Variants in PRB3 observed in about 807,000 individuals in gnomAD.
The protein encoded by PRB3 is basic salivary proline-rich protein 3.
In PRB3, 9 loss-of-function variants were observed where a neutral mutation model predicts 10.0. The ratio of observed to expected loss-of-function variants is 0.90; its 90% CI spans 0.54 to 1.57. The LOEUF is 1.57. Ranked by LOEUF, PRB3 falls within the 40% of genes most tolerant of loss-of-function variation. PRB3 has a pLI of 0.00. For missense variants in PRB3, 285 were observed against 385.5 expected, an observed-to-expected ratio of 0.74 and a Z score of 2.18; for synonymous variants, 89 against 138.6, an observed-to-expected ratio of 0.64 and a Z score of 2.52.
At chr12:11,268,806 G>C (rs997845706) in intron 1 of PRB3, 138 bp from the exon 2 acceptor site, 10 of 1,080,670 alleles carry the variant, frequency 9.3e-6, no homozygotes, top group Admixed American at 6.8e-5. Flanking sequence ...CATCTGTGAA[G>C]CTGCTGGAAG....
intron 1 of PRB3, among the ~76,000 whole-genome samples, chr12:11,269,375 A>G (rs1227255511): frequency 1.3e-5 from 2 of 152,166 alleles, no homozygotes; most frequent in African/African-American, 4.8e-5. Flanking sequence ...TATAAATGCA[A>G]ATCTTACCTT....
In PRB3 at chr12:11,267,416, G is replaced by T; in HGVS notation, c.833C>A (p.Pro278His). ...EGPPSQGGNK[P>H]QGPPPHPGKP... ...TCCTGGATGAGGTGGGGGACCTTGAGGTTTGTTGCCTCCTTGTGAAGGTGG... is the reference window on the plus strand; with the variant it reads ...TCCTGGATGAGGTGGGGGACCTTGATGTTTGTTGCCTCCTTGTGAAGGTGG... Residue 278 changes from proline to histidine, a missense_variant, in exon 3 of 4, where the codon CCT becomes CAT. Pro to His is a moderately conservative substitution (Grantham distance 77, BLOSUM62 -2). Around this residue, in one of 3 missense-constraint regions of PRB3, gnomAD observed 108 missense variants for 106.9 expected, o/e 1.01. Transcript: ENST00000538488. 5 of 1,571,672 alleles carry T rather than the reference G, an allele frequency of 3.2e-6. No individual in the cohort carries two copies. Among genetic ancestry groups the T allele is most frequent in the African/African-American group, 1.4e-5 (1 of 73,442 alleles).
At chr12:11,268,865 G>T in intron 1 of PRB3, 197 bp from the exon 2 acceptor site, 1 of 683,998 alleles carries the variant, frequency 1.5e-6, no homozygotes, top group Non-Finnish European at 2.6e-6. Flanking sequence ...CAGAGCAACA[G>T]CCATGAACTC....
intron 3 of PRB3, 91 bp downstream of exon 3, chr12:11,267,085 G>T: frequency 1.5e-6 from 2 of 1,290,672 alleles, no homozygotes; most frequent in Non-Finnish European, 2.3e-6. Context: ...ACAATACAAT[G>T]TCAATGGGTT....
chr12:11,268,903 C>G (rs1948623693), intron 1 of PRB3, among the ~76,000 whole-genome samples: 1 of 152,046 alleles, frequency 6.6e-6, no homozygotes, highest in South Asian at 2.1e-4. Context: ...TTTTTTCTTC[C>G]CTAGCATCCT....
chr12:11,267,178 G>A lies in PRB3; in HGVS notation c.*15C>T. The A allele has an allele frequency of 6.3e-7, 1 of 1,598,526 alleles. No individual in the cohort carries two copies. Among genetic ancestry groups the A allele is most frequent in the Non-Finnish European group, 8.6e-7 (1 of 1,165,872 alleles). ...TGAAGAATAAACTGGAATCATACCT[G>A]TCATTGAACCTTGATTACTGGGGAG... is the stretch of plus-strand genomic sequence containing the variant. On this transcript the variant is annotated splice_region_variant and 3_prime_UTR_variant, in exon 3 of 4. Coordinates refer to ENST00000538488, the MANE Select transcript of PRB3 (RefSeq NM_001394862.1).
chr12:11,269,491 A>G (rs951690092), intron 1 of PRB3, 115 bp downstream of exon 1: 16 of 1,305,310 alleles, frequency 1.2e-5, no homozygotes, highest in African/African-American at 2.9e-5. Flanking sequence ...GATCCTAGGC[A>G]TGAAACCTCT....
rs1301163652 is a variant in PRB3 at position 11,265,978 on chromosome 12, A to G, written c.*69T>C. 2.2e-6 allele frequency: 1 copy of G among 456,372 alleles called. No homozygotes were observed. The highest frequency in any genetic ancestry group is 4.4e-6 in the Non-Finnish European group (1 of 226,798). 28.3% of individuals were successfully genotyped at this position (456,372 alleles called of 1,614,324 possible). A position where few individuals can be genotyped will look rare whatever the true frequency, so the allele number is the denominator to read the frequency against. On this transcript the variant is annotated 3_prime_UTR_variant, in exon 4 of 4. Coordinates refer to ENST00000538488, the MANE Select transcript of PRB3 (RefSeq NM_001394862.1). ...GGTAGAGCTATGACCACCTTCTTCC[A>G]ATGTCATGGCATTTGAATCATTTGA...
intron 1 of PRB3, 28 bp downstream of exon 1, chr12:11,269,577 CA>C (rs1248452355): frequency 1.9e-6 from 3 of 1,613,016 alleles, no homozygotes; most frequent in Non-Finnish European, 2.5e-6. Flanking sequence ...CAAGCAGAGT[CA>C]CCACATCTTC....
intron 1 of PRB3, 156 bp from the exon 2 acceptor site, chr12:11,268,824 AG>A: frequency 1.1e-6 from 1 of 946,440 alleles, no homozygotes; most frequent in African/African-American, 1.6e-5. Context: ...AAGGGGAGGA[AG>A]GTGTAAGGGG....
In PRB3 at chr12:11,268,617, G is replaced by A. The variant is rs1948620310; in HGVS notation, c.100+16C>T. On this transcript the variant is annotated intron_variant, in intron 2 of 3. Transcript: ENST00000538488. The stretch of plus-strand genomic sequence containing the variant: ...AGAAGATAGTTAAAACAGATTGAGA[G>A]TGAATTGGGATTTACCTGATATTAC... The A allele has an allele frequency of 1.2e-6, 2 of 1,600,712 alleles. No individual in the cohort carries two copies. The highest frequency in any genetic ancestry group is 2.7e-5 in the African/African-American group (2 of 74,570).
chr12:11,268,749 A>T, intron 1 of PRB3, 81 bp from the exon 2 acceptor site: 1 of 1,440,282 alleles, frequency 6.9e-7, no homozygotes. Context: ...GGGAAAGGGG[A>T]CTTCTCACCA....
Position 11,268,100 on chromosome 12 carries a change from G to C in PRB3, c.149C>G (p.Thr50Ser). The C allele has an allele frequency of 6.2e-7, 1 of 1,608,550 alleles. No individual in the cohort carries two copies. Among genetic ancestry groups the C allele is most frequent in the Non-Finnish European group, 8.5e-7 (1 of 1,177,656 alleles). ...RPQGGNQPQR[T>S]PPPPGKPEGR... ...TTCTGGCTTTCCTGGAGGAGGTGGGGTACGTTGGGGCTGGTTTCCTCCTTG... is the reference window on the plus strand; with the variant it reads ...TTCTGGCTTTCCTGGAGGAGGTGGGCTACGTTGGGGCTGGTTTCCTCCTTG... The change falls in exon 3 of 4, where the codon ACC becomes AGC. Residue 50 changes from threonine (T) to serine (S), a missense_variant. Physicochemically the swap from Thr to Ser is moderately conservative, Grantham distance 58. This residue lies in a region of PRB3 where 147 missense variants were observed against 129.4 expected (regional missense o/e 1.14). Transcript: ENST00000538488.
rs1005223435 is a variant in PRB3, at chr12:11,268,610, A to G, written c.100+23T>C. 7 of 1,594,996 alleles carry G rather than the reference A, an allele frequency of 4.4e-6. No homozygotes were observed. In the Admixed American group the frequency reaches 8.3e-5, roughly 19 times the overall value. ...AAGCAGAAGAAGATAGTTAAAACAG[A>G]TTGAGAGTGAATTGGGATTTACCTG... On this transcript the variant is annotated intron_variant, in intron 2 of 3. Coordinates refer to ENST00000538488, the MANE Select transcript of PRB3 (RefSeq NM_001394862.1).
chr12:11,267,142 A>C, intron 3 of PRB3, 34 bp downstream of exon 3: 1 of 1,555,136 alleles, frequency 6.4e-7, no homozygotes, highest in Non-Finnish European at 8.9e-7. Flanking sequence ...TGTAACACTT[A>C]GAGCACTTGG....
In PRB3 at chr12:11,269,690, C is replaced by T; in HGVS notation, c.-21G>A. The T allele has an allele frequency of 6.2e-7, 1 of 1,613,788 alleles. No homozygotes were observed. Among genetic ancestry groups the T allele is most frequent in the Non-Finnish European group, 8.5e-7 (1 of 1,179,766 alleles). ...AGCATCTTGCTGGAGGCTCTGGAGT[C>T]ACTCCCAACTCTGTGCTGGGAGAAC... On this transcript the variant is annotated 5_prime_UTR_variant, in exon 1 of 4. Transcript: ENST00000538488.
chr12:11,267,234 C>G lies in PRB3; in HGVS notation c.1015G>C (p.Gly339Arg), dbSNP rs1156995280. 2 of 1,613,998 alleles carry G rather than the reference C, an allele frequency of 1.2e-6. No homozygotes were observed. Among genetic ancestry groups the G allele is most frequent in the East Asian group, 4.5e-5 (2 of 44,876 alleles). The change falls in exon 3 of 4, where the codon GGC (glycine) becomes CGC (arginine). Residue 339 changes from glycine to arginine, a missense_variant. Physicochemically the swap from Gly to Arg is moderately radical, Grantham distance 125 (BLOSUM62 -2). Coordinates refer to ENST00000538488, the MANE Select transcript of PRB3 (RefSeq NM_001394862.1). ...PQGPPPPPQGGRPHRPPQGQP... is the reference protein window; with the variant it reads ...PQGPPPPPQGRRPHRPPQGQP... ...CCCTGGGGAGGTCTGTGTGGTCTGCCCCCTTGAGGAGGTGGAGGTGGTCCC... is the reference window on the plus strand; with the variant it reads ...CCCTGGGGAGGTCTGTGTGGTCTGCGCCCTTGAGGAGGTGGAGGTGGTCCC...
chr12:11,267,130 A>G (rs762592399), intron 3 of PRB3, 46 bp downstream of exon 3: 1 of 1,528,236 alleles, frequency 6.5e-7, no homozygotes, highest in Non-Finnish European at 9.1e-7. Context: ...AAGTTGGAGA[A>G]CTGTAACACT....
In PRB3 at chr12:11,265,916, A is replaced by G; in HGVS notation, c.*131T>C. 2.2e-6 allele frequency: 1 copy of G among 455,272 alleles called. No homozygotes were observed. Among genetic ancestry groups the G allele is most frequent in the Non-Finnish European group, 4.4e-6 (1 of 226,190 alleles). 28.2% of individuals were successfully genotyped at this position (455,272 alleles called of 1,614,324 possible). ...ACACTGAGAAAGAGACACCACAATC[A>G]GAAATTGTAAGCTGTTTATTTTATT... is the stretch of plus-strand genomic sequence containing the variant. On this transcript the variant is annotated 3_prime_UTR_variant, in exon 4 of 4. Coordinates refer to ENST00000538488, the MANE Select transcript of PRB3 (RefSeq NM_001394862.1).
Sources: gnomAD v4.1 joint callset for allele counts (sites outside exome capture counted in the v4.1 genomes callset) on GRCh38, gnomAD v4.1.1 for gene constraint, gnomAD v4.1.1 regional missense constraint, MANE v1.5 for transcripts, NCBI Gene and HGNC (gene_info 2026-07-23, HGNC 2026-07-21) for gene names.